Variants in CBLB observed in about 807,000 individuals in gnomAD.
CBLB encodes E3 ubiquitin-protein ligase CBL-B.
A neutral mutation model predicts 104.9 loss-of-function variants in CBLB; 31 were observed. The ratio of observed to expected loss-of-function variants is 0.30; its 90% CI spans 0.22 to 0.40. The LOEUF (loss-of-function observed/expected upper bound fraction) is 0.40, where lower values mean the gene tolerates loss of function less well. Ranked by LOEUF, CBLB falls within the 10% of genes least tolerant of loss-of-function variation. The probability of loss-of-function intolerance (pLI) is 1.00; values close to 1 mark genes in which losing one functional copy is unlikely to be tolerated. For synonymous variants in CBLB, 440 were observed against 422.6 expected, an observed-to-expected ratio of 1.04 and a Z score of -0.51; for missense variants, 1,062 against 1,214.6, an observed-to-expected ratio of 0.87 and a Z score of 1.87.
chr3:105,754,306 G>A (rs1240792177), intron 4 of CBLB, among the ~76,000 whole-genome samples: 3 of 152,094 alleles, frequency 2.0e-5, no homozygotes, highest in African/African-American at 4.8e-5. Context: ...TGAGGTATAT[G>A]AGAGGAAGTG....
chr3:105,868,298 CTGG>C, intron 1 of CBLB: 1 of 1,042,284 alleles, frequency 9.6e-7, no homozygotes, highest in Non-Finnish European at 1.2e-6. Flanking sequence ...GTTCACTTCT[CTGG>C]CTCCTCGCCT....
intron 3 of CBLB, among the ~76,000 whole-genome samples, chr3:105,790,749 G>C (rs1432365598): frequency 2.0e-5 from 3 of 152,170 alleles, no homozygotes; most frequent in African/African-American, 4.8e-5. Context: ...GAACGTGCCA[G>C]GCAACAAGCC....
At chr3:105,727,182 ACTC>A (rs546042618) in intron 9 of CBLB, among the ~76,000 whole-genome samples, 145 of 152,136 alleles carry the variant, frequency 9.5e-4, no homozygotes, top group Non-Finnish European at 1.4e-3. Context: ...GTGTAAAAGC[ACTC>A]CTATTTCTCC....
chr3:105,738,139 T>C (rs13065142), intron 7 of CBLB, among the ~76,000 whole-genome samples: 37,605 of 152,074 alleles, frequency 0.25, 4,846 homozygotes, highest in Non-Finnish European at 0.28. Flanking sequence ...CATCTTTCTA[T>C]ACTAAATTTC....
At chr3:105,832,507 T>A (rs1043618475) in intron 3 of CBLB, among the ~76,000 whole-genome samples, 8 of 152,312 alleles carry the variant, frequency 5.3e-5, no homozygotes, top group African/African-American at 1.7e-4. Context: ...TTCATCCTTT[T>A]TAAAATGTCA....
chr3:105,867,724 A>G, intron 1 of CBLB, 133 bp from the exon 2 acceptor site: 1 of 724,374 alleles, frequency 1.4e-6, no homozygotes, highest in Non-Finnish European at 2.4e-6. Context: ...TTCCGGATTC[A>G]TCTTTATCAA....
At chr3:105,735,924 C>T (rs1322509706) in intron 8 of CBLB, among the ~76,000 whole-genome samples, 1 of 151,838 alleles carries the variant, frequency 6.6e-6, no homozygotes, top group Non-Finnish European at 1.5e-5. Flanking sequence ...CCAGCCTGGG[C>T]GACAAAGCAA....
intron 4 of CBLB, among the ~76,000 whole-genome samples, chr3:105,760,884 A>T (rs2077555612): frequency 6.6e-6 from 1 of 152,246 alleles, no homozygotes; most frequent in South Asian, 2.1e-4. Flanking sequence ...TAACAAAACA[A>T]AAACAAATCT....
At chr3:105,845,573 C>T (rs967747693) in intron 3 of CBLB, among the ~76,000 whole-genome samples, 1 of 151,474 alleles carries the variant, frequency 6.6e-6, no homozygotes, top group Non-Finnish European at 1.5e-5. Flanking sequence ...AAAACTTTCA[C>T]TTTTCATTGA....
intron 3 of CBLB, among the ~76,000 whole-genome samples, chr3:105,792,691 T>C (rs1402015377): frequency 6.6e-6 from 1 of 152,086 alleles, no homozygotes; most frequent in African/African-American, 2.4e-5. Context: ...TTTCCTTGCT[T>C]CCTCCCACTA....
chr3:105,670,935 T>C (rs2065001945), intron 17 of CBLB: 1 of 165,200 alleles, frequency 6.1e-6, no homozygotes, highest in Non-Finnish European at 1.3e-5. Flanking sequence ...TGTTGTTAGT[T>C]GGCTCACAAA....
intron 9 of CBLB, among the ~76,000 whole-genome samples, chr3:105,728,101 G>A (rs1178117403): frequency 1.3e-5 from 2 of 152,042 alleles, no homozygotes; most frequent in Non-Finnish European, 2.9e-5. Context: ...TAGTTTGATG[G>A]GGATAGATTG....
intron 5 of CBLB, among the ~76,000 whole-genome samples, chr3:105,746,946 C>T (rs188299106): frequency 3.9e-5 from 6 of 152,312 alleles, no homozygotes; most frequent in Admixed American, 3.9e-4. Context: ...GTTAACACTA[C>T]AGTAGTCACA....
chr3:105,679,270 T>G (rs534869171), intron 16 of CBLB, among the ~76,000 whole-genome samples: 27 of 150,036 alleles, frequency 1.8e-4, no homozygotes, highest in African/African-American at 6.6e-4. Context: ...CATAGTTTTA[T>G]ATCTACTTAT....
intron 2 of CBLB, among the ~76,000 whole-genome samples, chr3:105,864,095 A>G (rs2092284486): frequency 6.6e-6 from 1 of 152,206 alleles, no homozygotes. Context: ...CTAAAAGGCA[A>G]TGGCCAGCAG....
At chr3:105,864,254 T>G (rs1056126317) in intron 2 of CBLB, among the ~76,000 whole-genome samples, 3 of 152,196 alleles carry the variant, frequency 2.0e-5, no homozygotes, top group Admixed American at 6.5e-5. Flanking sequence ...GATACTGTTC[T>G]CTGAGTTCCT....
chr3:105,841,857 A>C (rs1444415913), intron 3 of CBLB, among the ~76,000 whole-genome samples: 1 of 152,194 alleles, frequency 6.6e-6, no homozygotes, highest in African/African-American at 2.4e-5. Flanking sequence ...ATGGTTTTTA[A>C]GAAAGAACAG....
At chr3:105,669,771 A>G (rs762658685) in intron 18 of CBLB, among the ~76,000 whole-genome samples, 7 of 152,176 alleles carry the variant, frequency 4.6e-5, no homozygotes, top group African/African-American at 7.2e-5. Flanking sequence ...GGTTGTGAGT[A>G]TGACTTGTAT....
At chr3:105,846,221 C>T (rs536407500) in intron 3 of CBLB, among the ~76,000 whole-genome samples, 1 of 151,772 alleles carries the variant, frequency 6.6e-6, no homozygotes, top group Non-Finnish European at 1.5e-5. Context: ...GTCCTTTGTC[C>T]TCATCAAATT....
Sources: allele counts gnomAD v4.1 joint callset (sites outside exome capture counted in the v4.1 genomes callset), GRCh38; gene constraint gnomAD v4.1.1; transcripts MANE v1.5; gene names NCBI Gene and HGNC (gene_info 2026-07-23, HGNC 2026-07-21).